The following DSCAML1 variants were observed in gnomAD, a reference collection of about 807,000 sequenced individuals.
DSCAML1 encodes the protein cell adhesion molecule DSCAML1.
A neutral mutation model predicts 200.5 loss-of-function variants in DSCAML1; 38 were observed. That is an observed-to-expected ratio of 0.19 (90% CI 0.15 to 0.25). The LOEUF (loss-of-function observed/expected upper bound fraction) is 0.25. DSCAML1 is among the 10% of genes least tolerant of loss of function. The pLI, the probability that DSCAML1 is intolerant of heterozygous loss-of-function variation, is 1.00. For synonymous variants in DSCAML1, 1,215 were observed against 1,165.0 expected, an observed-to-expected ratio of 1.04 and a Z score of -0.87; for missense variants, 2,223 against 2,858.8, an observed-to-expected ratio of 0.78 and a Z score of 5.07.
At position 117,435,807 on chromosome 11, in the gene DSCAML1, A is replaced by G; in HGVS notation, c.4721-8T>C. 1 of 1,599,180 alleles carries G rather than the reference A, an allele frequency of 6.3e-7. No individual in the cohort carries two copies. Among genetic ancestry groups the G allele is most frequent in the South Asian group, 1.1e-5 (1 of 90,326 alleles). Reference sequence around the variant, plus strand: ...TGATGGGTGGAATGGTGCCTGAATGAGGGCAAAGAATAGAATTAGATGTCC... The same window carrying G: ...TGATGGGTGGAATGGTGCCTGAATGGGGGCAAAGAATAGAATTAGATGTCC... On this transcript the variant is annotated splice_polypyrimidine_tract_variant and splice_region_variant and intron_variant, in intron 26 of 32. Coordinates refer to ENST00000651296, the MANE Select transcript of DSCAML1 (RefSeq NM_020693.4).
At chr11:117,476,543 G>A (rs1312528664) in intron 14 of DSCAML1, among the ~76,000 whole-genome samples, 1 of 152,194 alleles carries the variant, frequency 6.6e-6, no homozygotes, top group African/African-American at 2.4e-5. Flanking sequence ...GGCCGGCACA[G>A]CCCCTACACC....
At position 117,428,447 on chromosome 11, in the gene DSCAML1, C is replaced by A; in HGVS notation, c.6043G>T (p.Gly2015Cys). The A allele has an allele frequency of 6.5e-7, 1 of 1,538,704 alleles. No homozygotes were observed. The highest frequency in any genetic ancestry group is 8.7e-7 in the Non-Finnish European group (1 of 1,144,790). The change falls in exon 33 of 33, where the codon GGC (glycine) becomes TGC (cysteine). Residue 2015 changes from glycine to cysteine, a missense_variant. Physicochemically the swap from Gly to Cys is radical, Grantham distance 159. Coordinates refer to ENST00000651296, the MANE Select transcript of DSCAML1 (RefSeq NM_020693.4). Reference protein sequence around the residue: ...APSTEPPRAGGPHTKMGGSRD... With the variant: ...APSTEPPRAGCPHTKMGGSRD... ...GAGCCCCCCATTTTGGTGTGTGGGC[C>A]CCCGGCTCGTGGAGGCTCGGTGCTG...
chr11:117,807,406 TCTC>T (rs1369868867), intron 1 of DSCAML1, among the ~76,000 whole-genome samples: 1 of 151,918 alleles, frequency 6.6e-6, no homozygotes, highest in African/African-American at 2.4e-5. Context: ...GGGTGGGAGA[TCTC>T]CTCTGCCTGG....
intron 3 of DSCAML1, among the ~76,000 whole-genome samples, chr11:117,583,026 A>T (rs898197107): frequency 7.2e-4 from 29 of 40,170 alleles, no homozygotes; most frequent in African/African-American, 2.2e-3. Flanking sequence ...TTATTGTAGC[A>T]CTAGCATTCC....
chr11:117,778,962 T>C (rs2055182646), intron 2 of DSCAML1, among the ~76,000 whole-genome samples: 1 of 152,132 alleles, frequency 6.6e-6, no homozygotes, highest in African/African-American at 2.4e-5. Context: ...AACCAACCAA[T>C]GGAATGAAGG....
At chr11:117,582,625 C>T (rs2005429) in intron 3 of DSCAML1, among the ~76,000 whole-genome samples, 4,202 of 152,270 alleles carry the variant, frequency 0.028, 205 homozygotes, top group African/African-American at 0.095. Context: ...AGGGGACCCT[C>T]AGGCCTGCCA....
intron 3 of DSCAML1, among the ~76,000 whole-genome samples, chr11:117,552,118 G>A (rs972052554): frequency 6.6e-6 from 1 of 151,922 alleles, no homozygotes; most frequent in Non-Finnish European, 1.5e-5. Flanking sequence ...CAGGTCCATC[G>A]GGGTGGGCAT....
At chr11:117,669,531 T>C (rs1213223128) in intron 3 of DSCAML1, among the ~76,000 whole-genome samples, 3 of 152,186 alleles carry the variant, frequency 2.0e-5, no homozygotes, top group Non-Finnish European at 4.4e-5. Flanking sequence ...GCCCTGGGCA[T>C]ATACAAGTGA....
chr11:117,548,637 A>C (rs535978310), intron 3 of DSCAML1, among the ~76,000 whole-genome samples: 33 of 151,960 alleles, frequency 2.2e-4, no homozygotes, highest in Middle Eastern at 3.4e-3. Flanking sequence ...TATCAGTATC[A>C]CTCCTCTGAA....
chr11:117,714,024 C>T (rs773946017), intron 3 of DSCAML1, among the ~76,000 whole-genome samples: 1 of 152,180 alleles, frequency 6.6e-6, no homozygotes, highest in Non-Finnish European at 1.5e-5. Flanking sequence ...TTGTGTGTGG[C>T]ACTGGGCAAA....
rs375844211 is a variant in DSCAML1 at position 117,552,694 on chromosome 11, C to A, written c.512-20172G>T. ...CGTAAAGGAAAGTGATTGCTATCATCGTTTTGAGGTCGAGACAACAGGTTC... is the reference window on the plus strand; with the variant it reads ...CGTAAAGGAAAGTGATTGCTATCATAGTTTTGAGGTCGAGACAACAGGTTC... On this transcript the variant is annotated intron_variant, in intron 3 of 32. Transcript: ENST00000651296. Among the ~76,000 whole-genome samples, 10 of 152,326 alleles carry A rather than the reference C, an allele frequency of 6.6e-5. No individual in the cohort carries two copies. The East Asian group carries it at 1.9e-3, about 29-fold the overall frequency.
At chr11:117,586,396 G>A (rs2051142103) in intron 3 of DSCAML1, among the ~76,000 whole-genome samples, 1 of 152,210 alleles carries the variant, frequency 6.6e-6, no homozygotes, top group Non-Finnish European at 1.5e-5. Context: ...CTTGGTGTAG[G>A]AGGACCCCTA....
intron 3 of DSCAML1, among the ~76,000 whole-genome samples, chr11:117,656,582 C>T (rs1293953521): frequency 6.6e-6 from 1 of 152,010 alleles, no homozygotes; most frequent in East Asian, 1.9e-4. Context: ...GTATTCTCAA[C>T]TGCCTAGTAA....
intron 4 of DSCAML1, among the ~76,000 whole-genome samples, chr11:117,531,688 G>A (rs1051048610): frequency 9.2e-5 from 14 of 151,858 alleles, no homozygotes; most frequent in South Asian, 2.1e-4. Flanking sequence ...GTTCAAGACC[G>A]GCCTAGCCAA....
intron 26 of DSCAML1, 80 bp from the exon 27 acceptor site, chr11:117,435,879 C>A (rs2047905315): frequency 2.1e-6 from 3 of 1,461,512 alleles, no homozygotes; most frequent in Non-Finnish European, 9.3e-7. Flanking sequence ...TGGGGCAGTC[C>A]TCTGACCTCT....
At chr11:117,606,656 A>G (rs1382065215) in intron 3 of DSCAML1, among the ~76,000 whole-genome samples, 2 of 152,100 alleles carry the variant, frequency 1.3e-5, no homozygotes, top group Non-Finnish European at 2.9e-5. Context: ...CGGCACCCAG[A>G]CTCTGCTCTG....
At position 117,469,830 on chromosome 11, in the gene DSCAML1, C is replaced by A. The variant is rs1194981724; in HGVS notation, c.3024+80G>T. 3.5e-5 allele frequency: 46 copies of A among 1,331,306 alleles called. No homozygotes were observed. The South Asian group carries it at 6.9e-4, about 20-fold the overall frequency. The allele number at this position is 1,331,306 out of a possible 1,614,324, so 82.5% of individuals were successfully genotyped here. ...TCATATAAGACTAGAGACTAGCAAGCCTGCTGGGAGCTTTCGTCCTGGATT... is the reference window on the plus strand; with the variant it reads ...TCATATAAGACTAGAGACTAGCAAGACTGCTGGGAGCTTTCGTCCTGGATT... On this transcript the variant is annotated intron_variant, in intron 16 of 32. Transcript: ENST00000651296. This position sits in a 1 kb window ranked among gnomAD's most constrained non-coding sequence, Gnocchi z 4.1.
In DSCAML1 at chr11:117,771,216, G is replaced by A. The variant is rs181638341; in HGVS notation, c.511+5575C>T. On this transcript the variant is annotated intron_variant, in intron 3 of 32. Transcript: ENST00000651296. ...AAGTGACCTTCATGTCAGCCTGAAC[G>A]AAATGTAATTAATAAATTGAATTTG... is the stretch of plus-strand genomic sequence containing the variant. Among the ~76,000 whole-genome samples, 60 of 152,262 alleles carry A rather than the reference G, an allele frequency of 3.9e-4. 1 individual carries two copies. The East Asian group carries it at 9.4e-3, about 24-fold the overall frequency.
chr11:117,700,421 A>G (rs939886851), intron 3 of DSCAML1, among the ~76,000 whole-genome samples: 7 of 152,168 alleles, frequency 4.6e-5, no homozygotes, highest in African/African-American at 1.7e-4. Context: ...TTTCACCCAG[A>G]GTCCCTGGGA....
Sources: allele counts gnomAD v4.1 joint callset (sites outside exome capture counted in the v4.1 genomes callset), GRCh38; gene constraint gnomAD v4.1.1; non-coding constraint Gnocchi (gnomAD v3.1); transcripts MANE v1.5; gene names NCBI Gene and HGNC (gene_info 2026-07-23, HGNC 2026-07-21).